MAF: variants seen among roughly 807,000 people sequenced by gnomAD.
The protein encoded by MAF is transcription factor Maf.
A neutral mutation model predicts 22.0 loss-of-function variants in MAF; 10 were observed. The ratio of observed to expected loss-of-function variants is 0.45; its 90% confidence interval spans 0.28 to 0.77. The LOEUF is 0.77. Ranked by LOEUF, MAF falls within the 30% of genes least tolerant of loss-of-function variation. The pLI, the probability that MAF is intolerant of heterozygous loss-of-function variation, is 0.12. For synonymous variants in MAF, 337 were observed against 255.8 expected (o/e 1.32, Z -3.03); for missense variants, 544 against 548.4 (o/e 0.99, Z 0.08).
the MAF span, among the ~76,000 whole-genome samples, chr16:79,464,883 G>C: frequency 9.2e-5 from 14 of 152,280 alleles, no homozygotes; most frequent in South Asian, 1.2e-3. Flanking sequence ...GTAAGATTAA[G>C]TACTTTTAAA....
the MAF span, among the ~76,000 whole-genome samples, chr16:79,358,887 G>C: frequency 6.6e-6 from 1 of 152,216 alleles, no homozygotes; most frequent in Non-Finnish European, 1.5e-5. Context: ...CGATGGGAGG[G>C]AAATTTCCTG....
At chr16:79,406,016 C>T in the MAF span, among the ~76,000 whole-genome samples, 52 of 152,336 alleles carry the variant, frequency 3.4e-4, no homozygotes, top group African/African-American at 1.2e-3. Context: ...CACAGAGTAG[C>T]CCTCAGCCAA....
chr16:79,542,170 G>A, the MAF span, among the ~76,000 whole-genome samples: 1 of 152,140 alleles, frequency 6.6e-6, no homozygotes, highest in East Asian at 1.9e-4. Context: ...GGGGCTCCTG[G>A]AGCAAGTCCT....
the MAF span, among the ~76,000 whole-genome samples, chr16:79,494,707 G>A: frequency 1.3e-5 from 2 of 152,088 alleles, no homozygotes; most frequent in African/African-American, 4.8e-5. Flanking sequence ...ATTCTCAGCA[G>A]ACACTGACTG....
chr16:79,212,763 T>C, the MAF span: 1 of 151,988 alleles, frequency 6.6e-6, no homozygotes, highest in African/African-American at 2.4e-5. Flanking sequence ...AATAAAGCGC[T>C]TCTAATAAAG....
the MAF span, among the ~76,000 whole-genome samples, chr16:79,356,072 C>T: frequency 6.6e-6 from 1 of 152,036 alleles, no homozygotes; most frequent in South Asian, 2.1e-4. Flanking sequence ...CGTGCATCCC[C>T]AGGCACTCTC....
At chr16:79,268,253 C>G in the MAF span, among the ~76,000 whole-genome samples, 1 of 152,108 alleles carries the variant, frequency 6.6e-6, no homozygotes, top group Non-Finnish European at 1.5e-5. Flanking sequence ...CGTAACTGTA[C>G]CCATACCATG....
the MAF span, among the ~76,000 whole-genome samples, chr16:79,232,327 C>G: frequency 6.6e-6 from 1 of 152,024 alleles, no homozygotes; most frequent in Non-Finnish European, 1.5e-5. Flanking sequence ...TTTCTTCTTA[C>G]CTTCACATGT....
the MAF span, chr16:79,211,841 T>C: frequency 5.0e-6 from 8 of 1,611,466 alleles, no homozygotes; most frequent in Admixed American, 1.2e-4. Context: ...CCTGTGTGTG[T>C]CCCCTCACGC....
chr16:79,391,500 G>C, the MAF span, among the ~76,000 whole-genome samples: 1 of 152,176 alleles, frequency 6.6e-6, no homozygotes, highest in Non-Finnish European at 1.5e-5. Flanking sequence ...TTATAATAAA[G>C]AGTTGGCAGG....
the MAF span, among the ~76,000 whole-genome samples, chr16:79,320,092 A>C: frequency 1.9e-4 from 29 of 152,206 alleles, no homozygotes. Context: ...TGAGGCTTAC[A>C]GGAAGGGTGG....
At chr16:79,581,554 C>T (rs1912518118), downstream of MAF, among the ~76,000 whole-genome samples, 1 of 152,170 alleles carries the variant, frequency 6.6e-6, no homozygotes, top group Non-Finnish European at 1.5e-5. Context: ...GGGTCAATTT[C>T]TCGGAGCATT....
At chr16:79,520,360 C>T in the MAF span, among the ~76,000 whole-genome samples, 1 of 152,114 alleles carries the variant, frequency 6.6e-6, no homozygotes, top group African/African-American at 2.4e-5. Flanking sequence ...TTCCCATCTC[C>T]TCTGCAGCCA....
the MAF span, among the ~76,000 whole-genome samples, chr16:79,323,147 TAAAAAAAAAAAAAAAAAAAAA>T: frequency 3.5e-3 from 69 of 19,872 alleles, no homozygotes; most frequent in Middle Eastern, 0.083. Context: ...AGACTCCATC[TAAAAAAAAAAAAAAAAAAAAA>T]AAAAAAAAAA....
chr16:79,242,392 G>A, the MAF span, among the ~76,000 whole-genome samples: 16 of 151,178 alleles, frequency 1.1e-4, no homozygotes, highest in African/African-American at 3.1e-4. Context: ...AAAAAAGCAG[G>A]GGTTGCAATC....
chr16:79,267,253 T>C, the MAF span, among the ~76,000 whole-genome samples: 2 of 152,206 alleles, frequency 1.3e-5, no homozygotes, highest in Admixed American at 1.3e-4. Context: ...GGTGGGGTAT[T>C]GTGCCCATTA....
chr16:79,374,350 A>G, the MAF span, among the ~76,000 whole-genome samples: 14 of 152,222 alleles, frequency 9.2e-5, no homozygotes, highest in African/African-American at 3.4e-4. Flanking sequence ...CCAACTGGTC[A>G]ATGAGCTCTG....
chr16:79,375,499 GTGA>G, the MAF span, among the ~76,000 whole-genome samples: 1 of 151,952 alleles, frequency 6.6e-6, no homozygotes, highest in Non-Finnish European at 1.5e-5. Context: ...GATAATGATG[GTGA>G]TGATGATGAT....
chr16:79,214,595 C>T, the MAF span, among the ~76,000 whole-genome samples: 10 of 149,732 alleles, frequency 6.7e-5, no homozygotes, highest in East Asian at 8.0e-4. Flanking sequence ...TAAGTAGAGA[C>T]GGGGTTTCAC....
Sources: allele counts gnomAD v4.1 joint callset (sites outside exome capture counted in the v4.1 genomes callset), GRCh38; gene constraint gnomAD v4.1.1; transcripts MANE v1.5; gene names NCBI Gene and HGNC (gene_info 2026-07-23, HGNC 2026-07-21).